FMN2: variants seen among roughly 807,000 people sequenced by gnomAD.
The protein encoded by FMN2 is formin-2.
A neutral mutation model predicts 142.3 loss-of-function variants in FMN2; 51 were observed. The ratio of observed to expected loss-of-function variants is 0.36; its 90% confidence interval spans 0.29 to 0.45. The LOEUF is 0.45. Among genes scored for constraint, FMN2 ranks in the 20% least tolerant of loss-of-function variants. The pLI, the probability that FMN2 is intolerant of heterozygous loss-of-function variation, is 1.00. For missense variants in FMN2, 1,936 were observed against 2,122.8 expected, an observed-to-expected ratio of 0.91 and a Z score of 1.73; for synonymous variants, 882 against 869.8, an observed-to-expected ratio of 1.01 and a Z score of -0.25.
In FMN2 at chr1:240,192,913, G is replaced by T. The variant is rs186255340; in HGVS notation, c.1986+4651G>T. On this transcript the variant is annotated intron_variant, in intron 4 of 17. Coordinates refer to ENST00000319653, the MANE Select transcript of FMN2 (RefSeq NM_020066.5). Reference sequence around the variant, plus strand: ...AAGGAGCTCAGAGAAAAATATAGACGTTTTAGCTTAGAAATAATCACAAAA... The same window carrying T: ...AAGGAGCTCAGAGAAAAATATAGACTTTTTAGCTTAGAAATAATCACAAAA... Among the ~76,000 whole-genome samples, 4 of 151,976 alleles carry T rather than the reference G, an allele frequency of 2.6e-5. 1 individual carries two copies. The highest frequency in any genetic ancestry group is 3.4e-3 in the Middle Eastern group (1 of 294).
intron 7 of FMN2, among the ~76,000 whole-genome samples, chr1:240,275,481 T>C (rs201387338): frequency 3.3e-5 from 5 of 152,010 alleles, no homozygotes; most frequent in African/African-American, 1.2e-4. Context: ...TTTTTTTATC[T>C]AGTCTATCAT....
At chr1:240,213,057 A>G (rs1295938167) in intron 6 of FMN2, among the ~76,000 whole-genome samples, 2 of 152,144 alleles carry the variant, frequency 1.3e-5, no homozygotes, top group African/African-American at 2.4e-5. Flanking sequence ...TTGACATAGT[A>G]TTAAGTTTTA....
intron 6 of FMN2, among the ~76,000 whole-genome samples, chr1:240,217,526 G>A (rs993986207): frequency 1.3e-5 from 2 of 152,086 alleles, no homozygotes; most frequent in Non-Finnish European, 2.9e-5. Flanking sequence ...TTTAACATCT[G>A]CTTTTAATAG....
At chr1:240,099,534 T>C (rs2103172539) in intron 1 of FMN2, among the ~76,000 whole-genome samples, 1 of 152,164 alleles carries the variant, frequency 6.6e-6, no homozygotes, top group East Asian at 1.9e-4. Context: ...CTGCACAGCA[T>C]CTGGCTGCAA....
intron 15 of FMN2, among the ~76,000 whole-genome samples, chr1:240,407,990 A>G (rs1393082706): frequency 6.6e-6 from 1 of 152,166 alleles, no homozygotes; most frequent in Non-Finnish European, 1.5e-5. Context: ...TTCGCATCCT[A>G]CTTCCAGAAA....
At chr1:240,295,948 G>C (rs1466454209) in intron 8 of FMN2, among the ~76,000 whole-genome samples, 1 of 152,054 alleles carries the variant, frequency 6.6e-6, no homozygotes, top group East Asian at 1.9e-4. Flanking sequence ...TAATAGCCTT[G>C]CCAACAGATG....
At chr1:240,428,881 A>T (rs948159743) in intron 15 of FMN2, among the ~76,000 whole-genome samples, 20 of 152,166 alleles carry the variant, frequency 1.3e-4, no homozygotes, top group Admixed American at 1.3e-3. Flanking sequence ...TTTTGTTATG[A>T]TGTTTCTGTT....
At position 240,178,104 on chromosome 1, in the gene FMN2, G is replaced by A. The variant is rs1572024471; in HGVS notation, c.1930+36G>A. On this transcript the variant is annotated intron_variant, in intron 3 of 17. Transcript: ENST00000319653. ...CCTTTGTCTTCAGAGATAACTGGAAGAGGCAAGATAGAGAGAGAGAAGTTT... is the reference window on the plus strand; with the variant it reads ...CCTTTGTCTTCAGAGATAACTGGAAAAGGCAAGATAGAGAGAGAGAAGTTT... 3 of 1,521,302 alleles carry A rather than the reference G, an allele frequency of 2.0e-6. No individual in the cohort carries two copies. In the East Asian group the frequency reaches 7.0e-5, roughly 36 times the overall value. 94.2% of individuals were successfully genotyped at this position (1,521,302 alleles called of 1,614,324 possible). A position where few individuals can be genotyped will look rare whatever the true frequency, so the allele number is the denominator to read the frequency against.
intron 1 of FMN2, among the ~76,000 whole-genome samples, chr1:240,118,493 G>A (rs767448201): frequency 3.3e-5 from 5 of 152,094 alleles, no homozygotes; most frequent in Non-Finnish European, 7.4e-5. Flanking sequence ...TCCCCCACCT[G>A]GGACCCCCCT....
chr1:240,202,731 T>C (rs965134711), intron 4 of FMN2, among the ~76,000 whole-genome samples: 1 of 152,196 alleles, frequency 6.6e-6, no homozygotes, highest in Non-Finnish European at 1.5e-5. Context: ...CGGAAAGTGC[T>C]GGGATTACAG....
At chr1:240,372,916 G>A (rs117253699) in intron 14 of FMN2, among the ~76,000 whole-genome samples, 65 of 152,244 alleles carry the variant, frequency 4.3e-4, no homozygotes, top group African/African-American at 1.4e-3. Context: ...GCTGGGCGCC[G>A]TGGCTCATGC....
chr1:240,362,073 G>A (rs73126275), intron 14 of FMN2, among the ~76,000 whole-genome samples: 153 of 152,264 alleles, frequency 1.0e-3, no homozygotes, highest in African/African-American at 3.5e-3. Flanking sequence ...GTCAGTGGAC[G>A]GAACATGTTT....
intron 8 of FMN2, among the ~76,000 whole-genome samples, chr1:240,306,137 A>G (rs994295211): frequency 2.0e-4 from 31 of 151,916 alleles, no homozygotes; most frequent in Non-Finnish European, 4.4e-4. Flanking sequence ...TTTAGTAGAG[A>G]TGGTGTTTCA....
At chr1:240,379,860 A>T (rs2103080000) in intron 14 of FMN2, among the ~76,000 whole-genome samples, 1 of 152,278 alleles carries the variant, frequency 6.6e-6, no homozygotes, top group East Asian at 1.9e-4. Context: ...TAGCTAGATT[A>T]ACCAAGGAAA....
chr1:240,241,830 T>A (rs1478241267), intron 6 of FMN2, among the ~76,000 whole-genome samples: 2 of 50,480 alleles, frequency 4.0e-5, no homozygotes, highest in South Asian at 6.0e-4. Flanking sequence ...CCTTGCTTTT[T>A]TTTTTTTTTT....
At position 240,456,729 on chromosome 1, in the gene FMN2, C is replaced by T. The variant is rs184230960; in HGVS notation, c.5061-15643C>T. On this transcript the variant is annotated intron_variant, in intron 16 of 17. Transcript: ENST00000319653. ...CCTCGGCCTCCCAAAGTGCTGGAAT[C>T]GTAGGCGTGAGCCACTGCACCCGGC... 4.6e-5 allele frequency among the ~76,000 whole-genome samples: 7 copies of T among 152,288 alleles called. No homozygotes were observed. In the East Asian group the frequency reaches 5.8e-4, roughly 13 times the overall value.
intron 7 of FMN2, among the ~76,000 whole-genome samples, chr1:240,285,805 G>T (rs1361544602): frequency 6.6e-6 from 1 of 152,164 alleles, no homozygotes; most frequent in Non-Finnish European, 1.5e-5. Flanking sequence ...TGATGAGTGG[G>T]TTTAGGAAGT....
rs868307894 is a variant in FMN2 at position 240,328,163 on chromosome 1, A to G, written c.4216-913A>G. On this transcript the variant is annotated intron_variant, in intron 8 of 17. Transcript: ENST00000319653. The stretch of plus-strand genomic sequence containing the variant: ...ACCCCATCTCAAAAAAAAAAAAAAA[A>G]AAAAAAAAAGAAAAAGAAAATCCAG... Among the ~76,000 whole-genome samples, 26 of 145,064 alleles carry G rather than the reference A, an allele frequency of 1.8e-4. 2 individuals carry two copies. The highest frequency in any genetic ancestry group is 5.8e-4 in the African/African-American group (21 of 36,510).
At chr1:240,238,213 G>A (rs1486388474) in intron 6 of FMN2, among the ~76,000 whole-genome samples, 2 of 152,180 alleles carry the variant, frequency 1.3e-5, no homozygotes, top group Non-Finnish European at 2.9e-5. Context: ...TTAAAATAAG[G>A]TAATGATGAT....
Sources: gnomAD v4.1 joint callset for allele counts (sites outside exome capture counted in the v4.1 genomes callset) on GRCh38, gnomAD v4.1.1 for gene constraint, MANE v1.5 for transcripts, NCBI Gene and HGNC (gene_info 2026-07-23, HGNC 2026-07-21) for gene names.